TAS2R1: variants seen among roughly 807,000 people sequenced by gnomAD.
TAS2R1 encodes taste 2 receptor member 1, also known as taste receptor type 2 member 1.
For missense variants in TAS2R1, 370 were observed against 353.4 expected (o/e 1.05, Z -0.38); for synonymous variants, 141 against 134.2 (o/e 1.05, Z -0.35).
At chr5:9,705,656 C>T (rs1042417415) in intron 1 of TAS2R1, among the ~76,000 whole-genome samples, 9 of 152,094 alleles carry the variant, frequency 5.9e-5, no homozygotes, top group African/African-American at 2.2e-4. Flanking sequence ...ATCAGGAGCT[C>T]AAGACCAGCC....
At chr5:9,689,339 CA>C (rs1413071577) in intron 1 of TAS2R1, among the ~76,000 whole-genome samples, 1 of 152,172 alleles carries the variant, frequency 6.6e-6, no homozygotes, top group Non-Finnish European at 1.5e-5. Context: ...CCCGGACCAG[CA>C]GTGTCAGAAT....
intron 1 of TAS2R1, among the ~76,000 whole-genome samples, chr5:9,697,398 T>G (rs1442619372): frequency 2.0e-5 from 3 of 152,026 alleles, no homozygotes; most frequent in Non-Finnish European, 4.4e-5. Flanking sequence ...ATTCAGGGCA[T>G]TAAAAAAAAT....
At chr5:9,887,105 G>A in the TAS2R1 span, among the ~76,000 whole-genome samples, 62,089 of 152,030 alleles carry the variant, frequency 0.41, 15,245 homozygotes, top group East Asian at 0.52. Context: ...CAAAGCAATT[G>A]TACCCATTTA....
chr5:9,762,315 C>A, the TAS2R1 span, among the ~76,000 whole-genome samples: 2 of 152,120 alleles, frequency 1.3e-5, no homozygotes, highest in African/African-American at 2.4e-5. Flanking sequence ...CAAATAAAGG[C>A]ACAAAACAGG....
At chr5:9,672,568 A>G (rs966867214) in intron 1 of TAS2R1, among the ~76,000 whole-genome samples, 16 of 152,218 alleles carry the variant, frequency 1.1e-4, no homozygotes, top group African/African-American at 3.6e-4. Context: ...AATGCAAATC[A>G]ATACCACAAT....
chr5:9,852,405 G>A, the TAS2R1 span, among the ~76,000 whole-genome samples: 3 of 152,004 alleles, frequency 2.0e-5, no homozygotes, highest in East Asian at 1.9e-4. Flanking sequence ...AGGTCACTAT[G>A]TTCATTTGCC....
intron 2 of TAS2R1, among the ~76,000 whole-genome samples, chr5:9,650,373 CTG>C (rs146136132): frequency 4.6e-5 from 7 of 151,620 alleles, no homozygotes; most frequent in African/African-American, 7.3e-5. Context: ...ACAATAAAAA[CTG>C]TGTGTGTGTG....
the TAS2R1 span, among the ~76,000 whole-genome samples, chr5:9,809,562 C>T: frequency 2.0e-5 from 3 of 152,100 alleles, no homozygotes; most frequent in Non-Finnish European, 4.4e-5. Context: ...ATCATGGTTA[C>T]ATCCTGATCT....
chr5:9,832,028 G>A, the TAS2R1 span, among the ~76,000 whole-genome samples: 1 of 152,146 alleles, frequency 6.6e-6, no homozygotes, highest in African/African-American at 2.4e-5. Flanking sequence ...TAGCACCAGG[G>A]CCAGCCTTCT....
the TAS2R1 span, among the ~76,000 whole-genome samples, chr5:9,853,747 G>T: frequency 6.6e-6 from 1 of 152,136 alleles, no homozygotes; most frequent in African/African-American, 2.4e-5. Context: ...GAACCACGCA[G>T]TGGCTCCTGA....
intron 2 of TAS2R1, among the ~76,000 whole-genome samples, chr5:9,637,338 T>G (rs1457449906): frequency 6.6e-6 from 1 of 152,220 alleles, no homozygotes; most frequent in African/African-American, 2.4e-5. Context: ...TATCTGATGC[T>G]TTTGTTTCAC....
the TAS2R1 span, among the ~76,000 whole-genome samples, chr5:9,724,425 C>A: frequency 6.8e-6 from 1 of 146,812 alleles, no homozygotes; most frequent in African/African-American, 2.5e-5. Flanking sequence ...TGAAATAGAA[C>A]ATAAATAGTA....
At chr5:9,886,292 A>T in the TAS2R1 span, among the ~76,000 whole-genome samples, 1 of 151,264 alleles carries the variant, frequency 6.6e-6, no homozygotes. Flanking sequence ...TCAGCCTCCC[A>T]AAGTGCTGGG....
intron 2 of TAS2R1, among the ~76,000 whole-genome samples, chr5:9,637,553 G>C (rs1378587926): frequency 6.6e-6 from 1 of 152,080 alleles, no homozygotes; most frequent in African/African-American, 2.4e-5. Context: ...TTCTTCCTCA[G>C]AAACACCAAT....
intron 1 of TAS2R1, among the ~76,000 whole-genome samples, chr5:9,699,423 T>A (rs1315243620): frequency 6.6e-6 from 1 of 152,214 alleles, no homozygotes; most frequent in Non-Finnish European, 1.5e-5. Flanking sequence ...GGATGATTTA[T>A]ATGAGTTGAA....
At chr5:9,802,083 C>T in the TAS2R1 span, among the ~76,000 whole-genome samples, 1 of 152,198 alleles carries the variant, frequency 6.6e-6, no homozygotes, top group Non-Finnish European at 1.5e-5. Flanking sequence ...AGCTGATGCA[C>T]TATTGAAAGC....
At chr5:9,796,720 G>GAAAAAAAAAAAAAAAAAAAA in the TAS2R1 span, among the ~76,000 whole-genome samples, 1 of 77,332 alleles carries the variant, frequency 1.3e-5, no homozygotes, top group African/African-American at 6.2e-5. Flanking sequence ...GCTATTTTCT[G>GAAAAAAAAAAAAAAAAAAAA]GAAAAAAAAA....
the TAS2R1 span, among the ~76,000 whole-genome samples, chr5:9,861,405 A>G: frequency 6.6e-5 from 10 of 152,230 alleles, no homozygotes; most frequent in Admixed American, 3.9e-4. Context: ...GTCTGTTTGG[A>G]TCATTGACAG....
chr5:9,714,759 G>A (rs540239765), upstream of TAS2R1, among the ~76,000 whole-genome samples: 10 of 152,236 alleles, frequency 6.6e-5, no homozygotes, highest in South Asian at 2.1e-3. Context: ...TGTTCCAAAG[G>A]AAAGTGCTGA....
Sources: gnomAD v4.1 joint callset for allele counts (sites outside exome capture counted in the v4.1 genomes callset) on GRCh38, gnomAD v4.1.1 for gene constraint, MANE v1.5 for transcripts, NCBI Gene and HGNC (gene_info 2026-07-23, HGNC 2026-07-21) for gene names.